Variants in TPM3 observed in about 807,000 individuals in gnomAD.
TPM3 encodes tropomyosin 3, also known as tropomyosin alpha-3 chain.
Under a neutral mutation model 43.1 loss-of-function variants are expected in TPM3, and 16 were observed. That is an observed-to-expected ratio of 0.37 (90% CI 0.25 to 0.56). The LOEUF is 0.56. TPM3 is among the 20% of genes least tolerant of loss of function. TPM3 has a pLI of 0.77. For missense variants in TPM3, 176 were observed against 337.2 expected (o/e 0.52, Z 3.74); for synonymous variants, 101 against 116.9 (o/e 0.86, Z 0.88).
At chr1:154,176,009 C>T in intron 3 of TPM3, 106 bp downstream of exon 3, 1 of 1,572,346 alleles carries the variant, frequency 6.4e-7, no homozygotes. Context: ...CGTGAGCCAT[C>T]ACACGCAGCC....
intron 6 of TPM3, 117 bp from the exon 7 acceptor site, chr1:154,170,828 C>G (rs960254501): frequency 1.3e-5 from 10 of 786,504 alleles, no homozygotes; most frequent in Non-Finnish European, 2.0e-5. Context: ...CTGAATGGTC[C>G]AAGAGTAAGA....
Position 154,176,039 on chromosome 1 carries a change from C to G in TPM3, c.377+76G>C, listed in dbSNP as rs1394023704. The G allele has an allele frequency of 1.0e-5, 16 of 1,606,222 alleles. No individual in the cohort carries two copies. In the South Asian group the frequency reaches 1.3e-4, roughly 13 times the overall value. On this transcript the variant is annotated intron_variant, in intron 3 of 9. Transcript: ENST00000651641. ...GCAGCCAGAATTGCTATTTAGAAAACAGGTCTATAAGGAAATCTTGATCAG... is the reference window on the plus strand; with the variant it reads ...GCAGCCAGAATTGCTATTTAGAAAAGAGGTCTATAAGGAAATCTTGATCAG...
chr1:154,180,521 A>G (rs908789704), intron 2 of TPM3, among the ~76,000 whole-genome samples: 2 of 152,174 alleles, frequency 1.3e-5, no homozygotes, highest in Non-Finnish European at 2.9e-5. Flanking sequence ...TCAATATTTA[A>G]CTATAACTCT....
At chr1:154,183,065 GC>G in intron 2 of TPM3, 1 of 1,604,598 alleles carries the variant, frequency 6.2e-7, no homozygotes, top group Non-Finnish European at 8.5e-7. Context: ...TCTGCCTGCT[GC>G]TGCAGAACCT....
chr1:154,159,121 A>T, downstream of TPM3: 1 of 765,706 alleles, frequency 1.3e-6, no homozygotes. Context: ...AGAAAAAGGG[A>T]AAGTTAGTAG....
At chr1:154,160,423 T>A (rs1296039570), downstream of TPM3, among the ~76,000 whole-genome samples, 2 of 152,220 alleles carry the variant, frequency 1.3e-5, no homozygotes, top group Admixed American at 6.5e-5. Flanking sequence ...CCAGTAATAC[T>A]TGCCACTTTA....
downstream of TPM3, chr1:154,156,764 A>G (rs1659845642): frequency 3.0e-5 from 6 of 199,314 alleles, no homozygotes; most frequent in East Asian, 4.7e-4. Context: ...TTCTAGAGAC[A>G]GCAGCTTCAA....
chr1:154,185,294 A>C (rs1663359314), intron 2 of TPM3, among the ~76,000 whole-genome samples: 1 of 150,158 alleles, frequency 6.7e-6, no homozygotes, highest in African/African-American at 2.5e-5. Context: ...AATTGCTTAA[A>C]TCCAGGAGGC....
chr1:154,169,131 C>T (rs546625957), intron 9 of TPM3, among the ~76,000 whole-genome samples, 174 bp downstream of exon 9: 80 of 152,328 alleles, frequency 5.3e-4, no homozygotes, highest in African/African-American at 1.8e-3. Context: ...CCACCGCGCC[C>T]GGCCATGCCT....
chr1:154,157,620 A>G, downstream of TPM3: 1 of 775,910 alleles, frequency 1.3e-6, no homozygotes, highest in Non-Finnish European at 2.4e-6. Flanking sequence ...GAGCAGCAGC[A>G]GGGTGGGACT....
At chr1:154,156,524 C>A (rs11577138), downstream of TPM3, 1 of 201,178 alleles carries the variant, frequency 5.0e-6, no homozygotes, top group Non-Finnish European at 1.0e-5. Flanking sequence ...ACCTAACAGA[C>A]CTCCTAGAAA....
At chr1:154,170,850 C>T (rs1661497661) in intron 6 of TPM3, 139 bp from the exon 7 acceptor site, 1 of 703,084 alleles carries the variant, frequency 1.4e-6, no homozygotes, top group East Asian at 2.6e-5. Flanking sequence ...CAAGGCCTGG[C>T]TCTGGACAAT....
At chr1:154,159,062 G>A (rs761159483), downstream of TPM3, 16 of 780,196 alleles carry the variant, frequency 2.1e-5, no homozygotes, top group African/African-American at 6.8e-5. Flanking sequence ...CAGCAGCAAC[G>A]GAGAGGAGGG....
intron 1 of TPM3, chr1:154,191,700 G>T: frequency 6.6e-7 from 1 of 1,505,382 alleles, no homozygotes; most frequent in Non-Finnish European, 8.8e-7. Flanking sequence ...GACATACTGT[G>T]GCTCACTGAC....
At chr1:154,175,234 G>A (rs1284952514) in intron 3 of TPM3, among the ~76,000 whole-genome samples, 1 of 151,722 alleles carries the variant, frequency 6.6e-6, no homozygotes, top group Non-Finnish European at 1.5e-5. Context: ...GGGAGGCTGA[G>A]GCAGGAGAAT....
chr1:154,171,954 A>G, intron 5 of TPM3: 1 of 1,489,904 alleles, frequency 6.7e-7, no homozygotes, highest in Non-Finnish European at 9.3e-7. Context: ...GAGGGGAGGC[A>G]GCTGCAAAAC....
downstream of TPM3, chr1:154,157,577 G>C (rs1659941078): frequency 1.3e-6 from 1 of 769,234 alleles, no homozygotes; most frequent in East Asian, 2.4e-5. Context: ...CTTCCCGCAG[G>C]CTGGCCTCAG....
Position 154,170,712 on chromosome 1 carries a change from C to T in TPM3, c.643-1G>A. 1 of 1,598,920 alleles carries T rather than the reference C, an allele frequency of 6.3e-7. No individual in the cohort carries two copies. The highest frequency in any genetic ancestry group is 8.6e-7 in the Non-Finnish European group (1 of 1,167,912). ...CATATTTATCTTCTTTTTGAGAGTACTGTAAGATAAGTAGATTAAAAATTT... is the reference window on the plus strand; with the variant it reads ...CATATTTATCTTCTTTTTGAGAGTATTGTAAGATAAGTAGATTAAAAATTT... On this transcript the variant is annotated splice_acceptor_variant, in intron 6 of 9. Coordinates refer to ENST00000651641, the MANE Select transcript of TPM3 (RefSeq NM_152263.4). LOFTEE classifies it high-confidence loss of function.
At chr1:154,182,843 G>T in intron 2 of TPM3, 1 of 1,259,308 alleles carries the variant, frequency 7.9e-7, no homozygotes, top group Non-Finnish European at 1.1e-6. Context: ...CTGGTGCTGA[G>T]CCCCACCCAT....
Sources: allele counts gnomAD v4.1 joint callset (sites outside exome capture counted in the v4.1 genomes callset), GRCh38; gene constraint gnomAD v4.1.1; transcripts MANE v1.5; gene names NCBI Gene and HGNC (gene_info 2026-07-23, HGNC 2026-07-21).